Variants in CYP27C1 observed in about 807,000 individuals in gnomAD.
CYP27C1 encodes cytochrome P450 family 27 subfamily C member 1.
CYP27C1 carries 29 observed loss-of-function variants against 40.6 expected under a neutral mutation model. That is an observed-to-expected ratio of 0.71 (90% CI 0.53 to 0.97). The LOEUF (loss-of-function observed/expected upper bound fraction) is 0.97, where lower values mean the gene tolerates loss of function less well. CYP27C1 is among the 50% of genes least tolerant of loss of function. The probability of loss-of-function intolerance (pLI) is 0.00; values close to 1 mark genes in which losing one functional copy is unlikely to be tolerated. For missense variants in CYP27C1, 390 were observed against 485.8 expected (o/e 0.80, Z 1.85); for synonymous variants, 198 against 186.8 (o/e 1.06, Z -0.49).
At chr2:127,204,430 GAAAGAAAGAA>G (rs1683123461) in intron 2 of CYP27C1, among the ~76,000 whole-genome samples, 1 of 82,380 alleles carries the variant, frequency 1.2e-5, no homozygotes, top group Admixed American at 1.4e-4. Flanking sequence ...AGAGAGAAAG[GAAAGAAAGAA>G]AAAGAAAGAA....
chr2:127,186,960 C>G lies in CYP27C1; in HGVS notation c.*311G>C. The G allele has an allele frequency of 4.2e-6, 1 of 236,144 alleles. No homozygotes were observed. Among genetic ancestry groups the G allele is most frequent in the Non-Finnish European group, 8.3e-6 (1 of 120,822 alleles). 14.6% of individuals were successfully genotyped at this position (236,144 alleles called of 1,614,324 possible). A position where few individuals can be genotyped will look rare whatever the true frequency, so the allele number is the denominator to read the frequency against. ...CCATTTCCCTGTACAAGTAAATGCA[C>G]AGGATACTGCCAGTCATTAAATATT... On this transcript the variant is annotated 3_prime_UTR_variant, in exon 9 of 9. Coordinates refer to ENST00000664447, the MANE Select transcript of CYP27C1 (RefSeq NM_001367502.1). This position sits in a 1 kb window ranked among gnomAD's most constrained non-coding sequence, Gnocchi z 4.5.
chr2:127,209,192 C>T lies in CYP27C1; in HGVS notation c.283-3102G>A, dbSNP rs1683291235. On this transcript the variant is annotated intron_variant, in intron 1 of 8. Coordinates refer to ENST00000664447, the MANE Select transcript of CYP27C1 (RefSeq NM_001367502.1). This position sits in a 1 kb window ranked among gnomAD's most constrained non-coding sequence, Gnocchi z 4.1. The stretch of plus-strand genomic sequence containing the variant: ...ACTTCAGCCTCCTTGAGTGACATCT[C>T]CAGGCACAGGAGCAAATCAGAAGAA... 6.6e-6 allele frequency among the ~76,000 whole-genome samples: 1 copy of T among 152,140 alleles called. No individual in the cohort carries two copies. The highest frequency in any genetic ancestry group is 2.4e-5 in the African/African-American group (1 of 41,406).
intron 8 of CYP27C1, among the ~76,000 whole-genome samples, chr2:127,188,976 T>C (rs1052584729): frequency 1.3e-5 from 2 of 152,110 alleles, no homozygotes; most frequent in African/African-American, 4.8e-5. Flanking sequence ...CCTAAACACC[T>C]AACCTCTGAC....
At position 127,183,901 on chromosome 2, in the gene CYP27C1, T is replaced by G. The variant is rs1355486723; in HGVS notation, c.*3370A>C. 6.6e-6 allele frequency among the ~76,000 whole-genome samples: 1 copy of G among 152,204 alleles called. No individual in the cohort carries two copies. The highest frequency in any genetic ancestry group is 2.4e-5 in the African/African-American group (1 of 41,452). On this transcript the variant is annotated 3_prime_UTR_variant, in exon 9 of 9. Transcript: ENST00000664447. The surrounding 1 kb of genome is among the most constrained non-coding windows in gnomAD (Gnocchi z 5.1). ...ACACAAAGTAGAGAGCATAATGTCA[T>G]GAGCCCCCACTCACCACCCTGCTTC...
intron 1 of CYP27C1, among the ~76,000 whole-genome samples, chr2:127,213,605 C>T (rs560247269): frequency 6.6e-6 from 1 of 152,162 alleles, no homozygotes; most frequent in East Asian, 1.9e-4. Flanking sequence ...GGAAAACTGG[C>T]TAGCCATATG....
At chr2:127,217,656 C>A (rs1025761616) in intron 1 of CYP27C1, among the ~76,000 whole-genome samples, 16 of 152,220 alleles carry the variant, frequency 1.1e-4, no homozygotes, top group African/African-American at 3.6e-4. Context: ...ATTATGATTT[C>A]TACTCTGCCA....
At chr2:127,203,223 G>T (rs894334740) in intron 3 of CYP27C1, 149 bp downstream of exon 3, 13 of 813,926 alleles carry the variant, frequency 1.6e-5, no homozygotes, top group Admixed American at 1.5e-4. Flanking sequence ...GTTCACACCA[G>T]GTTCACGTTA....
At position 127,204,465 on chromosome 2, in the gene CYP27C1, AAAG is replaced by A. The variant is rs1406056301; in HGVS notation, c.474-897_474-895del. Among the ~76,000 whole-genome samples the A allele has an allele frequency of 6.0e-5, 4 of 66,136 alleles. 1 individual carries two copies. The highest frequency in any genetic ancestry group is 4.1e-4 in the Admixed American group (2 of 4,926). 43.4% of individuals were successfully genotyped at this position (66,136 alleles called of 152,430 possible). A position where few individuals can be genotyped will look rare whatever the true frequency, so the allele number is the denominator to read the frequency against. ...AAAAGAAAGAAAGAAAGAAAGAAAG[AAAG>A]AAAGAAAGAAAGAAAGAAAGGAAGG... On this transcript the variant is annotated intron_variant, in intron 2 of 8. Coordinates refer to ENST00000664447, the MANE Select transcript of CYP27C1 (RefSeq NM_001367502.1).
rs1472216677 is a variant in CYP27C1, at chr2:127,204,553, GAGAGAAAGAAAGAA to G, written c.474-996_474-983del. On this transcript the variant is annotated intron_variant, in intron 2 of 8. Transcript: ENST00000664447. Reference sequence around the variant, plus strand: ...AGAAAGAAAGAGAGAGAGAGAGAGAGAGAGAAAGAAAGAAAGAAAGAAAGAAAGAAAGAAAGAAA... The same window carrying G: ...AGAAAGAAAGAGAGAGAGAGAGAGAGAGAAAGAAAGAAAGAAAGAAAGAAA... 1.9e-3 allele frequency among the ~76,000 whole-genome samples: 133 copies of G among 70,582 alleles called. 1 individual carries two copies. Among genetic ancestry groups the G allele is most frequent in the Admixed American group, 2.8e-3 (16 of 5,644 alleles). The allele number at this position is 70,582 out of a possible 152,430, so 46.3% of individuals were successfully genotyped here.
chr2:127,197,701 C>T (rs1444503189), intron 5 of CYP27C1, among the ~76,000 whole-genome samples: 1 of 152,192 alleles, frequency 6.6e-6, no homozygotes, highest in Non-Finnish European at 1.5e-5. Flanking sequence ...CATTATCTTC[C>T]ACCCACTGAA....
At position 127,187,226 on chromosome 2, in the gene CYP27C1, T is replaced by C. The variant is rs1682645419; in HGVS notation, c.*45A>G. On this transcript the variant is annotated 3_prime_UTR_variant, in exon 9 of 9. Coordinates refer to ENST00000664447, the MANE Select transcript of CYP27C1 (RefSeq NM_001367502.1). Reference sequence around the variant, plus strand: ...AGCGAACACAAATACCCACTGTGTGTCGGCGAGCTGGTCTGCTACATCAGC... The same window carrying C: ...AGCGAACACAAATACCCACTGTGTGCCGGCGAGCTGGTCTGCTACATCAGC... The C allele has an allele frequency of 1.3e-6, 2 of 1,494,438 alleles. No homozygotes were observed. The highest frequency in any genetic ancestry group is 1.9e-6 in the Non-Finnish European group (2 of 1,072,236). The allele number at this position is 1,494,438 out of a possible 1,614,324, so 92.6% of individuals were successfully genotyped here.
rs922524754 is a variant in CYP27C1, at chr2:127,220,107, G to A, written c.164C>T (p.Pro55Leu). The A allele has an allele frequency of 6.6e-6, 1 of 150,784 alleles. No homozygotes were observed. Among genetic ancestry groups the A allele is most frequent in the Non-Finnish European group, 1.5e-5 (1 of 67,680 alleles). The allele number at this position is 150,784 out of a possible 1,614,324, so 9.3% of individuals were successfully genotyped here. Residue 55 changes from proline to leucine, a missense_variant, in exon 1 of 9, where the codon CCG becomes CTG. By Grantham distance (98) the Pro-to-Leu change is moderately conservative (BLOSUM62 -3). Coordinates refer to ENST00000664447, the MANE Select transcript of CYP27C1 (RefSeq NM_001367502.1). The surrounding 1 kb of genome is among the most constrained non-coding windows in gnomAD (Gnocchi z 4.6). ...DKGAGRPGSP[P>L]GGGRAEGPRS... ...GGGACCCTCGGCTCGGCCCCCTCCCGGCGGCGACCCCGGCCGCCCGGCGCC... is the reference window on the plus strand; with the variant it reads ...GGGACCCTCGGCTCGGCCCCCTCCCAGCGGCGACCCCGGCCGCCCGGCGCC...
At chr2:127,191,394 C>G (rs972328774) in intron 8 of CYP27C1, among the ~76,000 whole-genome samples, 1 of 152,164 alleles carries the variant, frequency 6.6e-6, no homozygotes, top group Non-Finnish European at 1.5e-5. Context: ...ACCATTTCAC[C>G]GCTGGCCTCT....
chr2:127,184,397 G>GT lies in CYP27C1; in HGVS notation c.*2873dup, dbSNP rs569029835. 1,494 of 144,336 alleles carry GT rather than the reference G, an allele frequency of 0.01. 14 individuals carry two copies. Among genetic ancestry groups the GT allele is most frequent in the African/African-American group, 0.018 (715 of 38,888 alleles). 8.9% of individuals were successfully genotyped at this position (144,336 alleles called of 1,614,324 possible). A position where few individuals can be genotyped will look rare whatever the true frequency, so the allele number is the denominator to read the frequency against. On this transcript the variant is annotated 3_prime_UTR_variant, in exon 9 of 9. Transcript: ENST00000664447. The stretch of plus-strand genomic sequence containing the variant: ...CTGTAACAGTTCTCCTCTCCCCTTG[G>GT]TTTTTTTTTTGCTTTTTGGTTTTTG...
At chr2:127,197,359 G>A (rs1328074135) in intron 5 of CYP27C1, among the ~76,000 whole-genome samples, 2 of 151,910 alleles carry the variant, frequency 1.3e-5, no homozygotes, top group Admixed American at 6.6e-5. Flanking sequence ...TTTGTTTTTC[G>A]CTTTTACATG....
At chr2:127,191,573 A>G (rs1682775730) in intron 8 of CYP27C1, among the ~76,000 whole-genome samples, 1 of 152,200 alleles carries the variant, frequency 6.6e-6, no homozygotes. Flanking sequence ...GACTTAGTGC[A>G]GGGCTCAGAA....
At position 127,198,706 on chromosome 2, in the gene CYP27C1, C is replaced by T. The variant is rs552555624; in HGVS notation, c.1047+670G>A. On this transcript the variant is annotated intron_variant, in intron 5 of 8. Coordinates refer to ENST00000664447, the MANE Select transcript of CYP27C1 (RefSeq NM_001367502.1). ...CATACTTACCACTGTGTTCCAGCTGCCCACAGTATTCAGTACAGTAACATT... is the reference window on the plus strand; with the variant it reads ...CATACTTACCACTGTGTTCCAGCTGTCCACAGTATTCAGTACAGTAACATT... 2.0e-5 allele frequency among the ~76,000 whole-genome samples: 3 copies of T among 152,300 alleles called. No homozygotes were observed. The South Asian group carries it at 6.2e-4, about 32-fold the overall frequency.
intron 1 of CYP27C1, among the ~76,000 whole-genome samples, chr2:127,211,361 GTTTTTTTGT>G (rs1683331849): frequency 9.7e-6 from 1 of 103,598 alleles, no homozygotes; most frequent in Non-Finnish European, 1.9e-5. Flanking sequence ...CTAAAGCAGT[GTTTTTTTGT>G]TTTTTTTTTT....
intron 8 of CYP27C1, among the ~76,000 whole-genome samples, chr2:127,187,871 C>A (rs1293307530): frequency 6.6e-6 from 1 of 152,180 alleles, no homozygotes; most frequent in Admixed American, 6.5e-5. Context: ...GTGCTACTAT[C>A]CTGAATTTAA....
Sources: allele counts gnomAD v4.1 joint callset (sites outside exome capture counted in the v4.1 genomes callset), GRCh38; gene constraint gnomAD v4.1.1; non-coding constraint Gnocchi (gnomAD v3.1); transcripts MANE v1.5; gene names NCBI Gene and HGNC (gene_info 2026-07-23, HGNC 2026-07-21).